The following HMX1 variants were observed in gnomAD, a reference collection of about 807,000 sequenced individuals.
HMX1 encodes the protein homeobox protein HMX1.
A neutral mutation model predicts 8.9 loss-of-function variants in HMX1; 8 were observed. The observed-to-expected ratio is 0.90, with a 90% CI of 0.53 to 1.63. The LOEUF (loss-of-function observed/expected upper bound fraction) is 1.63, where lower values mean the gene tolerates loss of function less well. HMX1 is among the 40% of genes most tolerant of loss of function. HMX1 has a pLI of 0.00. For synonymous variants in HMX1, 311 were observed against 283.4 expected, an observed-to-expected ratio of 1.10 and a Z score of -0.98; for missense variants, 621 against 558.5, an observed-to-expected ratio of 1.11 and a Z score of -1.13.
chr4:8,864,521 T>C (rs1195381515), downstream of HMX1, among the ~76,000 whole-genome samples: 1 of 152,174 alleles, frequency 6.6e-6, no homozygotes, highest in Non-Finnish European at 1.5e-5. Context: ...GCGCTCGAGG[T>C]GCACCCGCGA....
At chr4:8,855,022 T>C (rs1721568224) in intron 1 of HMX1, among the ~76,000 whole-genome samples, 1 of 152,126 alleles carries the variant, frequency 6.6e-6, no homozygotes, top group Admixed American at 6.5e-5. Context: ...GTACAGTGAG[T>C]CACCACACAG....
Position 8,867,358 on chromosome 4 carries a change from A to AGC in HMX1, c.*334_*335insGC, listed in dbSNP as rs1722034052. ...CCTTTGTTGCGCTGGGCTTGGCCTG[A>AGC]GGGCAGCTGCCCCGGGTGGCCATGG... is the stretch of plus-strand genomic sequence containing the variant. On this transcript the variant is annotated 3_prime_UTR_variant, in exon 2 of 2. Coordinates refer to ENST00000400677, the MANE Select transcript of HMX1 (RefSeq NM_018942.3). 9.8e-7 allele frequency: 1 copy of AGC among 1,022,446 alleles called. No individual in the cohort carries two copies. Among genetic ancestry groups the AGC allele is most frequent in the Non-Finnish European group, 1.2e-6 (1 of 854,882 alleles). The allele number at this position is 1,022,446 out of a possible 1,614,324, so 63.3% of individuals were successfully genotyped here. A position where few individuals can be genotyped will look rare whatever the true frequency, so the allele number is the denominator to read the frequency against.
exon 2 of HMX1, chr4:8,846,148 A>T: frequency 1.1e-6 from 1 of 942,214 alleles, no homozygotes; most frequent in East Asian, 2.6e-5. Context: ...CCACGCGGTC[A>T]CTCGGGGGTC....
chr4:8,865,259 C>T (rs1436653387), downstream of HMX1, among the ~76,000 whole-genome samples: 2 of 152,218 alleles, frequency 1.3e-5, no homozygotes, highest in Admixed American at 6.5e-5. Context: ...CAGAAGCAGT[C>T]GAATAAAACA....
At chr4:8,855,701 A>G (rs1345282345) in intron 1 of HMX1, among the ~76,000 whole-genome samples, 1 of 152,112 alleles carries the variant, frequency 6.6e-6, no homozygotes, top group African/African-American at 2.4e-5. Flanking sequence ...TTGGGTGTGA[A>G]CCGGGAGTGA....
In HMX1 at chr4:8,871,166, C is replaced by A; in HGVS notation, c.394+55G>T. 2 of 1,331,494 alleles carry A rather than the reference C, an allele frequency of 1.5e-6. No homozygotes were observed. The highest frequency in any genetic ancestry group is 3.5e-5 in the Admixed American group (1 of 28,366). 82.5% of individuals were successfully genotyped at this position (1,331,494 alleles called of 1,614,324 possible). On this transcript the variant is annotated intron_variant, in intron 1 of 1. Coordinates refer to ENST00000400677, the MANE Select transcript of HMX1 (RefSeq NM_018942.3). The surrounding 1 kb of genome is among the most constrained non-coding windows in gnomAD (Gnocchi z 4.8). ...AGCCCGAAGTCCCCCAGCAAATGCGCAGGGAGGAAGTCGGGCCCCACCGCC... is the reference window on the plus strand; with the variant it reads ...AGCCCGAAGTCCCCCAGCAAATGCGAAGGGAGGAAGTCGGGCCCCACCGCC...
At chr4:8,846,358 T>C (rs1480647269) in intron 1 of HMX1, 2 of 1,470,822 alleles carry the variant, frequency 1.4e-6, no homozygotes, top group African/African-American at 1.4e-5. Flanking sequence ...TTGGGAGCAC[T>C]AGTCATGTCT....
At chr4:8,864,752 T>G (rs1577198869), downstream of HMX1, among the ~76,000 whole-genome samples, 1 of 152,182 alleles carries the variant, frequency 6.6e-6, no homozygotes, top group Non-Finnish European at 1.5e-5. Flanking sequence ...CAGCTTGGGA[T>G]CTGTTTTCTC....
chr4:8,866,848 T>C (rs1169048650), downstream of HMX1, among the ~76,000 whole-genome samples: 1 of 152,202 alleles, frequency 6.6e-6, no homozygotes, highest in Non-Finnish European at 1.5e-5. Context: ...TCCCGGCTCC[T>C]GGCCCTTCCC....
intron 1 of HMX1, among the ~76,000 whole-genome samples, chr4:8,861,778 G>A (rs1721834269): frequency 3.3e-5 from 5 of 152,264 alleles, no homozygotes; most frequent in Non-Finnish European, 1.5e-5. Context: ...CGGGATCAAG[G>A]CGCCCATCCT....
At chr4:8,862,892 A>C (rs1721874718), downstream of HMX1, among the ~76,000 whole-genome samples, 1 of 152,126 alleles carries the variant, frequency 6.6e-6, no homozygotes, top group African/African-American at 2.4e-5. Context: ...TGACACGCAG[A>C]GCTTAGCTCT....
chr4:8,852,627 A>G (rs1199877726), intron 1 of HMX1, among the ~76,000 whole-genome samples: 1 of 152,210 alleles, frequency 6.6e-6, no homozygotes, highest in Non-Finnish European at 1.5e-5. Context: ...GGGCTGGGGA[A>G]GAACCAGGTC....
In HMX1 at chr4:8,870,559, C is replaced by T. The variant is rs1001983097; in HGVS notation, c.394+662G>A. 1.3e-5 allele frequency among the ~76,000 whole-genome samples: 2 copies of T among 152,150 alleles called. No individual in the cohort carries two copies. Among genetic ancestry groups the T allele is most frequent in the Non-Finnish European group, 2.9e-5 (2 of 68,010 alleles). ...TGCCCCTCAAGGACCAAGAGGGAGA[C>T]CCAGGCCCCTGCCCCAGGCTGTCTG... is the stretch of plus-strand genomic sequence containing the variant. On this transcript the variant is annotated intron_variant, in intron 1 of 1. Transcript: ENST00000400677. The surrounding 1 kb of genome is among the most constrained non-coding windows in gnomAD (Gnocchi z 4.4).
intron 1 of HMX1, among the ~76,000 whole-genome samples, chr4:8,859,807 A>G (rs574625295): frequency 6.6e-6 from 1 of 152,316 alleles, no homozygotes; most frequent in South Asian, 2.1e-4. Flanking sequence ...CAAAGGGCTG[A>G]TCAGCTCCCG....
intron 1 of HMX1, among the ~76,000 whole-genome samples, chr4:8,860,228 C>T (rs1721751555): frequency 6.6e-6 from 1 of 152,214 alleles, no homozygotes; most frequent in Non-Finnish European, 1.5e-5. Flanking sequence ...CTGGCCTTTC[C>T]TATACCCGGG....
At chr4:8,866,079 G>A (rs1721986055), downstream of HMX1, among the ~76,000 whole-genome samples, 1 of 152,192 alleles carries the variant, frequency 6.6e-6, no homozygotes, top group African/African-American at 2.4e-5. Flanking sequence ...GAGGCCCCCT[G>A]GGCTTGCTGG....
At chr4:8,860,762 C>G (rs1336242578) in intron 1 of HMX1, 1 of 152,628 alleles carries the variant, frequency 6.6e-6, no homozygotes, top group Admixed American at 6.5e-5. Flanking sequence ...GCCCCATGCC[C>G]TGCCCGCAGC....
At position 8,871,566 on chromosome 4, in the gene HMX1, A is replaced by AGGCGCGGGCCGGCGT; in HGVS notation, c.34_48dup (p.Thr12_Ala16dup). 2.2e-6 allele frequency: 3 copies of AGGCGCGGGCCGGCGT among 1,355,856 alleles called. No individual in the cohort carries two copies. The highest frequency in any genetic ancestry group is 2.9e-6 in the Non-Finnish European group (3 of 1,050,920). The allele number at this position is 1,355,856 out of a possible 1,614,324, so 84.0% of individuals were successfully genotyped here. A position where few individuals can be genotyped will look rare whatever the true frequency, so the allele number is the denominator to read the frequency against. ...AGCAGGTTCTCGATGAGGAAGGAGG[A>AGGCGCGGGCCGGCGT]GGCGCGGGCCGGCGTGGCGCGCCCG... On this transcript the variant is annotated inframe_insertion, in exon 1 of 2. Transcript: ENST00000400677. This position sits in a 1 kb window ranked among gnomAD's most constrained non-coding sequence, Gnocchi z 4.8.
In HMX1 at chr4:8,870,210, A is replaced by T. The variant is rs1216605537; in HGVS notation, c.394+1011T>A. 6.6e-6 allele frequency among the ~76,000 whole-genome samples: 1 copy of T among 151,794 alleles called. No individual in the cohort carries two copies. The highest frequency in any genetic ancestry group is 1.5e-5 in the Non-Finnish European group (1 of 67,934). ...ACGTCCTCAGCTGGCCTCAAGGTCC[A>T]AAGGCTGTGTTGGGGGTGGGGGGCT... On this transcript the variant is annotated intron_variant, in intron 1 of 1. Coordinates refer to ENST00000400677, the MANE Select transcript of HMX1 (RefSeq NM_018942.3). The surrounding 1 kb of genome is among the most constrained non-coding windows in gnomAD (Gnocchi z 4.4).
Sources: gnomAD v4.1 joint callset for allele counts (sites outside exome capture counted in the v4.1 genomes callset) on GRCh38, gnomAD v4.1.1 for gene constraint, Gnocchi (gnomAD v3.1) non-coding constraint, MANE v1.5 for transcripts, NCBI Gene and HGNC (gene_info 2026-07-23, HGNC 2026-07-21) for gene names.